The following MGMT variants were observed in gnomAD, a reference collection of about 807,000 sequenced individuals.
The protein encoded by MGMT is methylated-DNA--protein-cysteine methyltransferase.
A neutral mutation model predicts 15.9 loss-of-function variants in MGMT; 14 were observed. The ratio of observed to expected loss-of-function variants is 0.88; its 90% confidence interval spans 0.58 to 1.37. MGMT has a LOEUF of 1.37. Ranked by LOEUF, MGMT falls within the 40% of genes most tolerant of loss-of-function variation. The probability of loss-of-function intolerance (pLI) is 0.00; values close to 1 mark genes in which losing one functional copy is unlikely to be tolerated. For synonymous variants in MGMT, 130 were observed against 118.2 expected, an observed-to-expected ratio of 1.10 and a Z score of -0.65; for missense variants, 282 against 268.1, an observed-to-expected ratio of 1.05 and a Z score of -0.36.
chr10:129,521,747 C>G (rs1845813272), intron 1 of MGMT, among the ~76,000 whole-genome samples: 1 of 152,192 alleles, frequency 6.6e-6, no homozygotes, highest in African/African-American at 2.4e-5. Context: ...TGCTGTCCAC[C>G]CCAGGCCCAG....
chr10:129,757,596 A>G (rs968206193), intron 3 of MGMT, among the ~76,000 whole-genome samples: 4 of 152,026 alleles, frequency 2.6e-5, no homozygotes, highest in African/African-American at 9.7e-5. Context: ...AAATCTCTTT[A>G]CCTCCAAGTC....
chr10:129,548,170 GCTGA>G (rs1248405121), intron 2 of MGMT, among the ~76,000 whole-genome samples: 2 of 152,158 alleles, frequency 1.3e-5, no homozygotes, highest in African/African-American at 2.4e-5. Flanking sequence ...CTTGGGGTAT[GCTGA>G]CTCTTTCCCT....
chr10:129,629,721 T>G (rs950812064), intron 2 of MGMT, among the ~76,000 whole-genome samples: 1 of 152,202 alleles, frequency 6.6e-6, no homozygotes, highest in Non-Finnish European at 1.5e-5. Flanking sequence ...ACATTCATGA[T>G]CTCAGCTTAA....
intron 2 of MGMT, among the ~76,000 whole-genome samples, chr10:129,640,260 C>T (rs112579506): frequency 0.048 from 7,293 of 151,880 alleles, 214 homozygotes; most frequent in Middle Eastern, 0.086. Context: ...ACCATGCCCA[C>T]CTAATTTTTG....
At chr10:129,626,531 G>A (rs1444572633) in intron 2 of MGMT, among the ~76,000 whole-genome samples, 11 of 152,168 alleles carry the variant, frequency 7.2e-5, no homozygotes, top group Admixed American at 3.3e-4. Flanking sequence ...GCCTGCTGCC[G>A]CCTACCTGCA....
At chr10:129,732,049 T>C (rs1250747258) in intron 3 of MGMT, among the ~76,000 whole-genome samples, 4 of 152,234 alleles carry the variant, frequency 2.6e-5, no homozygotes, top group Admixed American at 1.3e-4. Flanking sequence ...CAGTGACCCC[T>C]GATGATCCCT....
chr10:129,489,313 T>C (rs1366723262), intron 1 of MGMT, among the ~76,000 whole-genome samples: 1 of 127,788 alleles, frequency 7.8e-6, no homozygotes, highest in Non-Finnish European at 1.5e-5. Context: ...TGAGCTGAGA[T>C]AGCGCCATTG....
intron 2 of MGMT, among the ~76,000 whole-genome samples, chr10:129,707,322 T>C (rs1357769606): frequency 1.3e-5 from 2 of 151,182 alleles, no homozygotes; most frequent in African/African-American, 2.4e-5. Context: ...AAGAACCAAG[T>C]AGACACAGGC....
chr10:129,474,273 G>A (rs929947402), intron 1 of MGMT, among the ~76,000 whole-genome samples: 18 of 152,168 alleles, frequency 1.2e-4, no homozygotes, highest in African/African-American at 4.1e-4. Context: ...AGAAGATCAC[G>A]GGGCTGGCAG....
chr10:129,717,098 C>G (rs1383511248), intron 3 of MGMT, among the ~76,000 whole-genome samples: 1 of 152,158 alleles, frequency 6.6e-6, no homozygotes, highest in African/African-American at 2.4e-5. Flanking sequence ...AGCAGGTAAT[C>G]TACAGAGAAT....
intron 2 of MGMT, among the ~76,000 whole-genome samples, chr10:129,542,285 G>T (rs1846050742): frequency 6.6e-6 from 1 of 152,156 alleles, no homozygotes. Context: ...AGTCTGTGCT[G>T]CCAGTTATCC....
Position 129,767,822 on chromosome 10 carries a change from A to T in MGMT, c.*825A>T, listed in dbSNP as rs1004076527. The T allele has an allele frequency of 6.6e-6, 1 of 152,160 alleles. No individual in the cohort carries two copies. The highest frequency in any genetic ancestry group is 2.4e-5 in the African/African-American group (1 of 41,432). The allele number at this position is 152,160 out of a possible 1,614,324, so 9.4% of individuals were successfully genotyped here. A position where few individuals can be genotyped will look rare whatever the true frequency, so the allele number is the denominator to read the frequency against. ...GGGCCTGTTAGGACCCCAGCACCCCAGTGTCGATCCTGGAAGTCAAAGGTC... is the reference window on the plus strand; with the variant it reads ...GGGCCTGTTAGGACCCCAGCACCCCTGTGTCGATCCTGGAAGTCAAAGGTC... On this transcript the variant is annotated 3_prime_UTR_variant, in exon 5 of 5. Transcript: ENST00000651593.
intron 3 of MGMT, among the ~76,000 whole-genome samples, chr10:129,735,357 T>G (rs1252991820): frequency 6.6e-6 from 1 of 152,206 alleles, no homozygotes; most frequent in Non-Finnish European, 1.5e-5. Flanking sequence ...TAGAGGTGTT[T>G]GTAGTATTCT....
At chr10:129,510,481 A>C (rs184760535) in intron 1 of MGMT, among the ~76,000 whole-genome samples, 1 of 152,128 alleles carries the variant, frequency 6.6e-6, no homozygotes, top group Admixed American at 6.5e-5. Context: ...ACTGGAATTG[A>C]TGAGTGAGAA....
At chr10:129,559,994 A>G (rs1429195916) in intron 2 of MGMT, among the ~76,000 whole-genome samples, 1 of 152,204 alleles carries the variant, frequency 6.6e-6, no homozygotes, top group Non-Finnish European at 1.5e-5. Context: ...CATCAGTCCC[A>G]TCGTATTCAT....
intron 1 of MGMT, among the ~76,000 whole-genome samples, chr10:129,522,667 A>T (rs1291949669): frequency 6.6e-6 from 1 of 152,218 alleles, no homozygotes; most frequent in African/African-American, 2.4e-5. Flanking sequence ...CTTTCTTCAC[A>T]TGGCTTCTTT....
intron 2 of MGMT, among the ~76,000 whole-genome samples, chr10:129,650,547 C>T (rs921754306): frequency 2.0e-5 from 3 of 152,118 alleles, no homozygotes; most frequent in African/African-American, 4.8e-5. Flanking sequence ...CTCACCATTG[C>T]GTCCTTTTGT....
At chr10:129,742,919 C>A (rs1848652251) in intron 3 of MGMT, among the ~76,000 whole-genome samples, 1 of 151,736 alleles carries the variant, frequency 6.6e-6, no homozygotes, top group Non-Finnish European at 1.5e-5. Flanking sequence ...CCCACCACCG[C>A]AGCTGCCCAT....
intron 4 of MGMT, among the ~76,000 whole-genome samples, chr10:129,764,304 A>C (rs1389294778): frequency 6.6e-6 from 1 of 152,192 alleles, no homozygotes; most frequent in East Asian, 1.9e-4. Flanking sequence ...ACCCGCTCCC[A>C]GGGGCTTTAA....
Sources: gnomAD v4.1 joint callset for allele counts (sites outside exome capture counted in the v4.1 genomes callset) on GRCh38, gnomAD v4.1.1 for gene constraint, MANE v1.5 for transcripts, NCBI Gene and HGNC (gene_info 2026-07-23, HGNC 2026-07-21) for gene names.